Variants in NBEA observed in about 807,000 individuals in gnomAD.
NBEA encodes lysosomal-trafficking regulator 2.
In NBEA, 44 loss-of-function variants were observed where a neutral mutation model predicts 343.4. The ratio of observed to expected loss-of-function variants is 0.13; its 90% CI spans 0.10 to 0.16. The LOEUF is 0.16. Among genes scored for constraint, NBEA ranks in the 10% least tolerant of loss-of-function variants. The pLI is 1.00. For synonymous variants in NBEA, 1,175 were observed against 1,238.7 expected (o/e 0.95, Z 1.08); for missense variants, 2,555 against 3,631.3 (o/e 0.70, Z 7.62).
At chr13:35,173,401 C>CT (rs1262591633) in intron 26 of NBEA, 63 bp from the exon 27 acceptor site, 51 of 1,405,484 alleles carry the variant, frequency 3.6e-5, no homozygotes, top group Non-Finnish European at 4.8e-5. Context: ...AAACTTGCAA[C>CT]TTTTTCCAGG....
At chr13:35,236,627 T>G (rs897296121) in intron 34 of NBEA, among the ~76,000 whole-genome samples, 2 of 151,584 alleles carry the variant, frequency 1.3e-5, no homozygotes, top group African/African-American at 4.8e-5. Flanking sequence ...TTTTTTTTTT[T>G]TTGTATTTTT....
chr13:35,284,810 T>C (rs1473572316), intron 34 of NBEA, among the ~76,000 whole-genome samples: 1 of 152,150 alleles, frequency 6.6e-6, no homozygotes, highest in Non-Finnish European at 1.5e-5. Context: ...AGTGAGGGAA[T>C]AGGAAGACAA....
chr13:34,947,856 T>C (rs1364143634), intron 1 of NBEA, among the ~76,000 whole-genome samples: 1 of 152,224 alleles, frequency 6.6e-6, no homozygotes. Context: ...ACTTTATGTA[T>C]TTCTTATTCC....
chr13:35,120,371 A>C (rs1246490333), intron 16 of NBEA, among the ~76,000 whole-genome samples: 4 of 152,202 alleles, frequency 2.6e-5, no homozygotes, highest in Non-Finnish European at 4.4e-5. Flanking sequence ...ACAATCACAC[A>C]GATTAAAAAA....
chr13:35,578,046 C>A (rs1416051421), intron 45 of NBEA, among the ~76,000 whole-genome samples: 3 of 152,092 alleles, frequency 2.0e-5, no homozygotes, highest in Admixed American at 2.0e-4. Context: ...GATTTTCAAG[C>A]CCTTGATTAC....
intron 34 of NBEA, among the ~76,000 whole-genome samples, chr13:35,254,720 A>G (rs1283934332): frequency 1.3e-5 from 2 of 152,130 alleles, no homozygotes; most frequent in East Asian, 1.9e-4. Flanking sequence ...TTAATTAACT[A>G]TATAATAACT....
chr13:35,429,898 A>G (rs769913445), intron 38 of NBEA, among the ~76,000 whole-genome samples: 64 of 150,104 alleles, frequency 4.3e-4, no homozygotes, highest in Admixed American at 4.0e-3. Flanking sequence ...TATTTTTGCA[A>G]TTGCAAATTG....
At chr13:35,632,518 A>G (rs2083496179) in intron 49 of NBEA, among the ~76,000 whole-genome samples, 1 of 152,066 alleles carries the variant, frequency 6.6e-6, no homozygotes, top group Non-Finnish European at 1.5e-5. Flanking sequence ...CTACAAAAGT[A>G]CAGAGAATGG....
At chr13:35,207,684 G>A (rs776400807) in intron 31 of NBEA, among the ~76,000 whole-genome samples, 3 of 151,882 alleles carry the variant, frequency 2.0e-5, no homozygotes, top group African/African-American at 4.8e-5. Context: ...TTTAAAATAC[G>A]CTAAAGAAAC....
intron 36 of NBEA, among the ~76,000 whole-genome samples, chr13:35,336,362 C>G (rs1188727430): frequency 6.6e-6 from 1 of 152,062 alleles, no homozygotes; most frequent in Non-Finnish European, 1.5e-5. Flanking sequence ...TTTCTAAACA[C>G]AGACATTAAG....
At chr13:35,616,598 A>G (rs751805147) in intron 48 of NBEA, among the ~76,000 whole-genome samples, 5 of 152,196 alleles carry the variant, frequency 3.3e-5, no homozygotes, top group Non-Finnish European at 7.3e-5. Flanking sequence ...TATTCATTGA[A>G]AGGAATAGCC....
At chr13:35,409,716 G>T (rs2043475040) in intron 38 of NBEA, among the ~76,000 whole-genome samples, 1 of 152,084 alleles carries the variant, frequency 6.6e-6, no homozygotes, top group African/African-American at 2.4e-5. Flanking sequence ...ATATATTGCT[G>T]CAGTGAGCAA....
intron 1 of NBEA, among the ~76,000 whole-genome samples, chr13:35,007,624 T>G (rs2061360564): frequency 6.6e-6 from 1 of 152,114 alleles, no homozygotes; most frequent in Non-Finnish European, 1.5e-5. Flanking sequence ...CCTGAATAGC[T>G]GGGACTACAG....
chr13:35,362,251 T>G (rs2040849407), intron 38 of NBEA, among the ~76,000 whole-genome samples: 1 of 151,952 alleles, frequency 6.6e-6, no homozygotes, highest in Non-Finnish European at 1.5e-5. Flanking sequence ...CACTATTATG[T>G]TGGTCATAGA....
rs1221413354 is a variant in NBEA at position 35,355,302 on chromosome 13, C to T, written c.6179+2979C>T. ...CTGTCCTCCTAAAGTCCATTCTCAG[C>T]GCAACAGCCTGAGTGACTCTTATTA... On this transcript the variant is annotated intron_variant, in intron 38 of 58. Transcript: ENST00000379939. 2.6e-5 allele frequency among the ~76,000 whole-genome samples: 4 copies of T among 152,078 alleles called. No individual in the cohort carries two copies. In the East Asian group the frequency reaches 5.8e-4, roughly 22 times the overall value.
chr13:35,387,824 T>C (rs2042315271), intron 38 of NBEA, among the ~76,000 whole-genome samples: 1 of 152,116 alleles, frequency 6.6e-6, no homozygotes, highest in African/African-American at 2.4e-5. Flanking sequence ...CTTTCAGCCA[T>C]GATAAATGGT....
chr13:35,550,903 A>T (rs1008568652), intron 42 of NBEA, 27 bp from the exon 43 acceptor site: 3 of 1,441,096 alleles, frequency 2.1e-6, no homozygotes, highest in Non-Finnish European at 1.9e-6. Flanking sequence ...GGTTTTCTAA[A>T]CTCTGTTTTT....
rs1200430271 is a variant in NBEA, at chr13:35,159,814, G to T, written c.3643G>T (p.Asp1215Tyr). ...EKEFKIHTTS[D>Y]GMSSISERDL... ...AGAATTCAAAATCCATACAACTTCA[G>T]ATGGAATGAGCAGTATTTCTGAAAG... is the stretch of plus-strand genomic sequence containing the variant. Residue 1215 changes from aspartate to tyrosine, a missense_variant, in exon 22 of 59, where the codon GAT becomes TAT. This residue lies in a region of NBEA where 367 missense variants were observed against 377.5 expected (regional missense o/e 0.97). Transcript: ENST00000379939. 4 of 1,610,836 alleles carry T rather than the reference G, an allele frequency of 2.5e-6. No individual in the cohort carries two copies. In the South Asian group the frequency reaches 4.4e-5, roughly 18 times the overall value.
chr13:35,538,584 C>T (rs1485331893), intron 41 of NBEA, among the ~76,000 whole-genome samples: 1 of 152,302 alleles, frequency 6.6e-6, no homozygotes, highest in East Asian at 1.9e-4. Context: ...TGTTAAACAG[C>T]AGCAACAACA....
Sources: gnomAD v4.1 joint callset for allele counts (sites outside exome capture counted in the v4.1 genomes callset) on GRCh38, gnomAD v4.1.1 for gene constraint, gnomAD v4.1.1 regional missense constraint, MANE v1.5 for transcripts, NCBI Gene and HGNC (gene_info 2026-07-23, HGNC 2026-07-21) for gene names.